The following ROBO2 variants were observed in gnomAD, a reference collection of about 807,000 sequenced individuals.
ROBO2 encodes roundabout homolog 2.
A neutral mutation model predicts 160.8 loss-of-function variants in ROBO2; 53 were observed. The ratio of observed to expected loss-of-function variants is 0.33; its 90% CI spans 0.26 to 0.41. The LOEUF (loss-of-function observed/expected upper bound fraction) is 0.41, where lower values mean the gene tolerates loss of function less well. Among genes scored for constraint, ROBO2 ranks in the 10% least tolerant of loss-of-function variants. The pLI is 1.00. For synonymous variants in ROBO2, 664 were observed against 611.7 expected (o/e 1.09, Z -1.26); for missense variants, 1,577 against 1,722.4 (o/e 0.92, Z 1.49).
chr3:76,108,220 G>T (rs1302413150), intron 2 of ROBO2, among the ~76,000 whole-genome samples: 1 of 152,014 alleles, frequency 6.6e-6, no homozygotes, highest in Non-Finnish European at 1.5e-5. Flanking sequence ...CTGATAGTTT[G>T]ACGTTGAAAT....
chr3:76,447,915 A>T (rs1346367608), intron 2 of ROBO2, among the ~76,000 whole-genome samples: 2 of 125,778 alleles, frequency 1.6e-5, no homozygotes, highest in African/African-American at 6.0e-5. Flanking sequence ...GGGGGGAGGG[A>T]TAGCATTAGG....
intron 2 of ROBO2, among the ~76,000 whole-genome samples, chr3:76,842,903 G>C (rs533531577): frequency 6.6e-6 from 1 of 152,094 alleles, no homozygotes; most frequent in East Asian, 1.9e-4. Flanking sequence ...TTCTATTCAA[G>C]AAGCAGAGGC....
chr3:75,936,313 C>T (rs1947780138), intron 1 of ROBO2, among the ~76,000 whole-genome samples: 1 of 151,998 alleles, frequency 6.6e-6, no homozygotes, highest in South Asian at 2.1e-4. Flanking sequence ...GACTGGATTC[C>T]CTTGCAAGTT....
chr3:77,043,839 C>G (rs1419617920), intron 1 of ROBO2, among the ~76,000 whole-genome samples: 2 of 151,986 alleles, frequency 1.3e-5, no homozygotes, highest in Admixed American at 1.3e-4. Flanking sequence ...CATCTTTACC[C>G]TTTAACTATT....
intron 2 of ROBO2, among the ~76,000 whole-genome samples, chr3:76,696,944 CTTG>C (rs1458700830): frequency 5.9e-5 from 9 of 152,234 alleles, no homozygotes; most frequent in East Asian, 5.8e-4. Context: ...TCTCTTTCTG[CTTG>C]TTGTTTACTT....
intron 2 of ROBO2, among the ~76,000 whole-genome samples, chr3:76,809,190 C>G (rs1454964998): frequency 6.6e-6 from 1 of 152,160 alleles, no homozygotes; most frequent in Non-Finnish European, 1.5e-5. Context: ...TGGCCTTCTG[C>G]TCAGGATTTC....
At chr3:76,233,722 C>T (rs1272605681) in intron 2 of ROBO2, among the ~76,000 whole-genome samples, 7 of 152,216 alleles carry the variant, frequency 4.6e-5, no homozygotes, top group African/African-American at 1.7e-4. Context: ...CAATCTATTT[C>T]AATTTGATGT....
At chr3:77,358,284 G>T (rs1178427023) in intron 2 of ROBO2, among the ~76,000 whole-genome samples, 3 of 152,114 alleles carry the variant, frequency 2.0e-5, no homozygotes, top group Admixed American at 6.6e-5. Context: ...ACTTGCCGGG[G>T]TTAGAACTCC....
At chr3:76,279,570 G>T (rs1051428797) in intron 2 of ROBO2, among the ~76,000 whole-genome samples, 1 of 151,986 alleles carries the variant, frequency 6.6e-6, no homozygotes, top group East Asian at 1.9e-4. Context: ...AGATGCCTGA[G>T]AATTACTGTT....
intron 2 of ROBO2, among the ~76,000 whole-genome samples, chr3:76,264,004 G>A (rs182048084): frequency 3.5e-4 from 54 of 152,252 alleles, no homozygotes; most frequent in Middle Eastern, 3.4e-3. Flanking sequence ...TCACTCATAA[G>A]TGGCAGCTGA....
chr3:76,044,144 C>G (rs2067371876), intron 2 of ROBO2, among the ~76,000 whole-genome samples: 2 of 151,988 alleles, frequency 1.3e-5, no homozygotes, highest in South Asian at 4.2e-4. Context: ...TCCTCTGTAA[C>G]CTCTTTTCTG....
intron 2 of ROBO2, among the ~76,000 whole-genome samples, chr3:76,619,457 T>C (rs1015759433): frequency 3.3e-5 from 5 of 152,376 alleles, no homozygotes; most frequent in African/African-American, 1.2e-4. Context: ...ATATCGAGTT[T>C]ATGTTTCTTC....
chr3:76,969,441 T>C (rs2059464133), intron 2 of ROBO2, among the ~76,000 whole-genome samples: 1 of 152,166 alleles, frequency 6.6e-6, no homozygotes, highest in South Asian at 2.1e-4. Flanking sequence ...TTCCTAAGCC[T>C]AATTTTATTA....
chr3:76,848,380 A>G (rs867925695), intron 2 of ROBO2, among the ~76,000 whole-genome samples: 7 of 152,080 alleles, frequency 4.6e-5, no homozygotes, highest in Non-Finnish European at 8.8e-5. Flanking sequence ...TGTGATTTCA[A>G]TACTTCTAGG....
At position 76,402,452 on chromosome 3, in the gene ROBO2, A is replaced by G. The variant is rs115551005; in HGVS notation, c.109+464850A>G. On this transcript the variant is annotated intron_variant, in intron 2 of 26. Transcript: ENST00000487694. ...TTAGGTCAGTGTATTAGTTTTTTAT[A>G]ACTAGTGTAGTAGATTAGCAAGAAC... Among the ~76,000 whole-genome samples the G allele has an allele frequency of 4.3e-3, 647 of 151,640 alleles. 7 individuals are homozygous for G. The highest frequency in any genetic ancestry group is 0.015 in the African/African-American group (610 of 41,460).
At chr3:76,475,469 C>T (rs981164719) in intron 2 of ROBO2, among the ~76,000 whole-genome samples, 1 of 151,820 alleles carries the variant, frequency 6.6e-6, no homozygotes, top group Non-Finnish European at 1.5e-5. Flanking sequence ...GACAGAAAAA[C>T]TTACATTATC....
chr3:76,228,658 T>C (rs1485250349), intron 2 of ROBO2, among the ~76,000 whole-genome samples: 1 of 152,202 alleles, frequency 6.6e-6, no homozygotes, highest in African/African-American at 2.4e-5. Flanking sequence ...CATTTTATTT[T>C]ACATAAATTA....
chr3:77,410,784 TCCTCCTCCCCCTCCC>T (rs2076736509), intron 2 of ROBO2, among the ~76,000 whole-genome samples: 1 of 147,182 alleles, frequency 6.8e-6, no homozygotes, highest in Admixed American at 6.8e-5. Flanking sequence ...CTCTTCCTCC[TCCTCCTCCCCCTCCC>T]TCTCCTCCTC....
At chr3:76,808,502 C>CA (rs778153357) in intron 2 of ROBO2, among the ~76,000 whole-genome samples, 30 of 151,324 alleles carry the variant, frequency 2.0e-4, no homozygotes, top group Non-Finnish European at 3.5e-4. Flanking sequence ...AAGAAGAAGA[C>CA]AAAAAATAAG....
Sources: gnomAD v4.1 joint callset for allele counts (sites outside exome capture counted in the v4.1 genomes callset) on GRCh38, gnomAD v4.1.1 for gene constraint, MANE v1.5 for transcripts, NCBI Gene and HGNC (gene_info 2026-07-23, HGNC 2026-07-21) for gene names.